The following MAML2 variants were observed in gnomAD, a reference collection of about 807,000 sequenced individuals.
MAML2 encodes the protein mastermind like transcriptional coactivator 2.
Under a neutral mutation model 96.1 loss-of-function variants are expected in MAML2, and 22 were observed. That is an observed-to-expected ratio of 0.23 (90% CI 0.16 to 0.33). MAML2 has a LOEUF of 0.33. MAML2 is among the 10% of genes least tolerant of loss of function. The pLI is 1.00. For missense variants in MAML2, 1,367 were observed against 1,392.4 expected (o/e 0.98, Z 0.29); for synonymous variants, 561 against 521.3 (o/e 1.08, Z -1.04).
chr11:96,074,481 A>T (rs974532601), intron 2 of MAML2, among the ~76,000 whole-genome samples: 2 of 152,252 alleles, frequency 1.3e-5, no homozygotes, highest in African/African-American at 4.8e-5. Flanking sequence ...AGGAAATGCT[A>T]TCAAAAGATT....
At chr11:96,171,919 C>T (rs1302228613) in intron 1 of MAML2, among the ~76,000 whole-genome samples, 1 of 152,214 alleles carries the variant, frequency 6.6e-6, no homozygotes, top group South Asian at 2.1e-4. Flanking sequence ...GGCTGGGATG[C>T]TAACCCCTAA....
rs557822736 is a variant in MAML2, at chr11:96,005,909, T to C, written c.2140-14186A>G. On this transcript the variant is annotated intron_variant, in intron 2 of 4. Coordinates refer to ENST00000524717, the MANE Select transcript of MAML2 (RefSeq NM_032427.4). The stretch of plus-strand genomic sequence containing the variant: ...ATTAATCTGTAAAGTAACCTACAAA[T>C]TTTGACATACTTTTTCTCATGAGAA... Among the ~76,000 whole-genome samples, 363 of 151,578 alleles carry C rather than the reference T, an allele frequency of 2.4e-3. 3 individuals are homozygous for C. Among genetic ancestry groups the C allele is most frequent in the Middle Eastern group, 6.8e-3 (2 of 292 alleles).
chr11:96,055,443 C>T (rs915059335), intron 2 of MAML2, among the ~76,000 whole-genome samples: 9 of 152,108 alleles, frequency 5.9e-5, no homozygotes, highest in African/African-American at 1.9e-4. Flanking sequence ...AAAAAAAGAG[C>T]CAGCTACTCC....
At chr11:96,240,648 G>A (rs954684801) in intron 1 of MAML2, among the ~76,000 whole-genome samples, 2 of 148,870 alleles carry the variant, frequency 1.3e-5, no homozygotes, top group Non-Finnish European at 3.0e-5. Flanking sequence ...TTTTTGCAAT[G>A]CATTGGCACA....
intron 1 of MAML2, among the ~76,000 whole-genome samples, chr11:96,308,167 TG>T (rs1458810894): frequency 6.6e-6 from 1 of 152,074 alleles, no homozygotes; most frequent in Non-Finnish European, 1.5e-5. Flanking sequence ...AGCTAAAATT[TG>T]GGGGGCAGTG....
intron 1 of MAML2, among the ~76,000 whole-genome samples, chr11:96,158,993 C>A (rs1000644213): frequency 2.0e-5 from 3 of 152,174 alleles, no homozygotes; most frequent in Non-Finnish European, 4.4e-5. Context: ...GGGGAAAGGG[C>A]TGCTTCTGTT....
At chr11:96,340,968 G>A (rs1863984662) in intron 1 of MAML2, among the ~76,000 whole-genome samples, 1 of 152,150 alleles carries the variant, frequency 6.6e-6, no homozygotes, top group African/African-American at 2.4e-5. Context: ...TTTAATAAAG[G>A]CCAGCTGGGC....
intron 1 of MAML2, among the ~76,000 whole-genome samples, chr11:96,277,450 T>C (rs150847097): frequency 7.9e-4 from 121 of 152,240 alleles, no homozygotes; most frequent in Middle Eastern, 3.4e-3. Context: ...TATTCTACTA[T>C]CAAATATTAG....
chr11:96,018,252 A>T (rs1858385310), intron 2 of MAML2, among the ~76,000 whole-genome samples: 1 of 152,150 alleles, frequency 6.6e-6, no homozygotes, highest in South Asian at 2.1e-4. Context: ...GAAATAGGGA[A>T]TTTAACCTGG....
chr11:96,039,057 C>A (rs1325759240), intron 2 of MAML2, among the ~76,000 whole-genome samples: 1 of 152,102 alleles, frequency 6.6e-6, no homozygotes, highest in East Asian at 1.9e-4. Context: ...TTGAGACCAG[C>A]TTAGGCAACA....
chr11:96,158,446 G>T (rs1861047025), intron 1 of MAML2, among the ~76,000 whole-genome samples: 1 of 152,196 alleles, frequency 6.6e-6, no homozygotes, highest in South Asian at 2.1e-4. Context: ...CCTTCAAAGG[G>T]CAGCTCATGA....
intron 1 of MAML2, among the ~76,000 whole-genome samples, chr11:96,266,202 G>T (rs1862823501): frequency 6.6e-6 from 1 of 152,090 alleles, no homozygotes; most frequent in South Asian, 2.1e-4. Flanking sequence ...CCTGCGAGGG[G>T]GACAAAGGAA....
chr11:96,028,777 T>C (rs1236080117), intron 2 of MAML2, among the ~76,000 whole-genome samples: 1 of 152,218 alleles, frequency 6.6e-6, no homozygotes, highest in Non-Finnish European at 1.5e-5. Flanking sequence ...TGACACAGTA[T>C]AACATTGCTG....
chr11:96,104,652 G>T (rs1211609148), intron 1 of MAML2, among the ~76,000 whole-genome samples: 1 of 152,136 alleles, frequency 6.6e-6, no homozygotes, highest in Non-Finnish European at 1.5e-5. Flanking sequence ...AGTATCTGTA[G>T]GCATTTGAAT....
chr11:96,224,452 C>A (rs1464442200), intron 1 of MAML2, among the ~76,000 whole-genome samples: 1 of 152,220 alleles, frequency 6.6e-6, no homozygotes, highest in Non-Finnish European at 1.5e-5. Flanking sequence ...TATGCCTTTG[C>A]TACCACAATT....
At chr11:96,296,059 C>T (rs759748651) in intron 1 of MAML2, among the ~76,000 whole-genome samples, 1 of 151,522 alleles carries the variant, frequency 6.6e-6, no homozygotes, top group Admixed American at 6.6e-5. Flanking sequence ...TTTTAAAGTA[C>T]ATTTTCTTTT....
intron 1 of MAML2, among the ~76,000 whole-genome samples, chr11:96,194,780 C>T (rs1861704940): frequency 6.7e-6 from 1 of 149,172 alleles, no homozygotes; most frequent in African/African-American, 2.6e-5. Flanking sequence ...GAAGAAAAGG[C>T]ACCACCGAAG....
intron 2 of MAML2, among the ~76,000 whole-genome samples, chr11:96,037,925 C>G (rs1274316314): frequency 2.6e-5 from 4 of 152,082 alleles, no homozygotes; most frequent in South Asian, 2.1e-4. Context: ...TAGATATAGG[C>G]TAAAATTAGG....
At chr11:96,199,568 C>A (rs1861785916) in intron 1 of MAML2, among the ~76,000 whole-genome samples, 1 of 140,682 alleles carries the variant, frequency 7.1e-6, no homozygotes, top group Non-Finnish European at 1.5e-5. Context: ...ATGAGTATTT[C>A]TTTGTCCATT....
Sources: gnomAD v4.1 joint callset for allele counts (sites outside exome capture counted in the v4.1 genomes callset) on GRCh38, gnomAD v4.1.1 for gene constraint, MANE v1.5 for transcripts, NCBI Gene and HGNC (gene_info 2026-07-23, HGNC 2026-07-21) for gene names.